The following OPRM1 variants were observed in gnomAD, a reference collection of about 807,000 sequenced individuals.
OPRM1 encodes opioid receptor mu 1, also known as mu-type opioid receptor.
Under a neutral mutation model 31.8 loss-of-function variants are expected in OPRM1, and 27 were observed. That is an observed-to-expected ratio of 0.85 (90% CI 0.63 to 1.17). The LOEUF is 1.17. OPRM1 is among the 50% of genes most tolerant of loss of function. The probability of loss-of-function intolerance (pLI) is 0.00; values close to 1 mark genes in which losing one functional copy is unlikely to be tolerated. For synonymous variants in OPRM1, 196 were observed against 189.9 expected (o/e 1.03, Z -0.26); for missense variants, 536 against 511.1 (o/e 1.05, Z -0.47).
intron 1 of OPRM1, among the ~76,000 whole-genome samples, chr6:154,068,212 A>C (rs73014276): frequency 0.19 from 28,383 of 152,124 alleles, 2,962 homozygotes; most frequent in African/African-American, 0.26. Flanking sequence ...AGCTAGTTAT[A>C]ACTTCTGTAA....
chr6:154,143,461 C>G (rs901942208), intron 3 of OPRM1, among the ~76,000 whole-genome samples: 2 of 152,198 alleles, frequency 1.3e-5, no homozygotes, highest in Admixed American at 6.5e-5. Flanking sequence ...TATTCTTCAT[C>G]AGGACAAGAA....
intron 3 of OPRM1, among the ~76,000 whole-genome samples, chr6:154,224,968 C>T (rs1183796469): frequency 1.3e-5 from 2 of 152,152 alleles, no homozygotes; most frequent in Non-Finnish European, 2.9e-5. Flanking sequence ...CCTGTGGATT[C>T]TCAATCCGCC....
chr6:154,144,301 C>A (rs1441507984), intron 3 of OPRM1, among the ~76,000 whole-genome samples: 3 of 152,178 alleles, frequency 2.0e-5, no homozygotes, highest in African/African-American at 7.2e-5. Flanking sequence ...GAGAACACTT[C>A]CCAATTTACT....
chr6:154,022,560 A>G (rs185451088), intron 1 of OPRM1, among the ~76,000 whole-genome samples: 1 of 151,158 alleles, frequency 6.6e-6, no homozygotes, highest in Admixed American at 6.6e-5. Context: ...TAAAGTTGAC[A>G]TGATATCATT....
At chr6:154,140,019 C>T (rs901319946) in intron 3 of OPRM1, among the ~76,000 whole-genome samples, 4 of 152,196 alleles carry the variant, frequency 2.6e-5, no homozygotes, top group African/African-American at 7.2e-5. Flanking sequence ...TCTCCAGTTC[C>T]CCGCCCTCTT....
chr6:154,076,990 C>T (rs551561163), intron 1 of OPRM1, among the ~76,000 whole-genome samples: 7 of 151,678 alleles, frequency 4.6e-5, no homozygotes, highest in Non-Finnish European at 1.0e-4. Flanking sequence ...TAAAAAATTG[C>T]GGTTAAGAGA....
chr6:154,171,358 G>A (rs1345548753), intron 3 of OPRM1, among the ~76,000 whole-genome samples: 2 of 152,110 alleles, frequency 1.3e-5, no homozygotes, highest in African/African-American at 4.8e-5. Context: ...AGTAAAAGAA[G>A]CCAGTCACAA....
At chr6:154,037,340 G>A (rs139500161), upstream of OPRM1, among the ~76,000 whole-genome samples, 538 of 149,388 alleles carry the variant, frequency 3.6e-3, 2 homozygotes, top group African/African-American at 0.013. Context: ...AGAGAACAAC[G>A]TGACCAAAAA....
intron 3 of OPRM1, among the ~76,000 whole-genome samples, chr6:154,111,489 C>T (rs1383862678): frequency 6.6e-6 from 1 of 152,146 alleles, no homozygotes; most frequent in African/African-American, 2.4e-5. Context: ...TCCTCCAATG[C>T]ACCTGGGCAC....
intron 1 of OPRM1, among the ~76,000 whole-genome samples, chr6:154,084,069 G>A (rs1334246965): frequency 6.6e-6 from 1 of 151,742 alleles, no homozygotes; most frequent in Non-Finnish European, 1.5e-5. Flanking sequence ...TTTCATACAG[G>A]CCTCTCCCCG....
intron 1 of OPRM1, among the ~76,000 whole-genome samples, chr6:154,014,625 T>A (rs574061399): frequency 6.6e-6 from 1 of 152,082 alleles, no homozygotes; most frequent in Admixed American, 6.6e-5. Context: ...CCATAAGCTA[T>A]GTCCTTGAAT....
At chr6:154,244,013 T>A (rs111696942) in intron 3 of OPRM1, among the ~76,000 whole-genome samples, 2,358 of 152,324 alleles carry the variant, frequency 0.015, 57 homozygotes, top group African/African-American at 0.052. Flanking sequence ...AGCATTAGGC[T>A]ACTGAGGAAG....
At chr6:154,052,356 G>A (rs1013829813) in intron 1 of OPRM1, among the ~76,000 whole-genome samples, 4 of 152,096 alleles carry the variant, frequency 2.6e-5, no homozygotes, top group Admixed American at 1.3e-4. Flanking sequence ...AATAAAATAG[G>A]TAGAAAGTAA....
rs144326625 is a variant in OPRM1 at position 154,183,054 on chromosome 6, A to T, written c.1165-63639A>T. On this transcript the variant is annotated intron_variant, in intron 3 of 3. Transcript: ENST00000337049. Reference sequence around the variant, plus strand: ...GAGTGCAGTGGTGTGATCTCAGCTCACTGCAACCTCTGCCTCCCAGGTTCA... The same window carrying T: ...GAGTGCAGTGGTGTGATCTCAGCTCTCTGCAACCTCTGCCTCCCAGGTTCA... Among the ~76,000 whole-genome samples the T allele has an allele frequency of 8.6e-3, 1,301 of 151,594 alleles. 9 individuals are homozygous for T. The highest frequency in any genetic ancestry group is 0.028 in the African/African-American group (1,159 of 41,292).
chr6:154,216,391 T>C (rs1275247362), intron 3 of OPRM1, among the ~76,000 whole-genome samples: 1 of 152,158 alleles, frequency 6.6e-6, no homozygotes, highest in Non-Finnish European at 1.5e-5. Context: ...CCTTTGAAAT[T>C]ACAAATTTCC....
chr6:154,114,778 A>G (rs1796690804), intron 3 of OPRM1, among the ~76,000 whole-genome samples: 1 of 151,914 alleles, frequency 6.6e-6, no homozygotes, highest in Admixed American at 6.6e-5. Context: ...TGACCATACA[A>G]GGCTGCTACA....
At chr6:154,138,723 T>G (rs1191315995) in intron 3 of OPRM1, among the ~76,000 whole-genome samples, 1 of 152,222 alleles carries the variant, frequency 6.6e-6, no homozygotes, top group East Asian at 1.9e-4. Flanking sequence ...ACAAAGATGA[T>G]AACAGACCTT....
intron 3 of OPRM1, chr6:154,092,059 T>G: frequency 3.8e-6 from 1 of 263,706 alleles, no homozygotes; most frequent in Non-Finnish European, 5.9e-6. Flanking sequence ...TTAGACTGAA[T>G]AATATATTAT....
intron 3 of OPRM1, chr6:154,212,666 C>G (rs768711872): frequency 1.4e-5 from 10 of 728,714 alleles, no homozygotes; most frequent in Admixed American, 2.7e-5. Context: ...CTTAATTTAG[C>G]CCATTCTAAA....
Sources: gnomAD v4.1 joint callset for allele counts (sites outside exome capture counted in the v4.1 genomes callset) on GRCh38, gnomAD v4.1.1 for gene constraint, MANE v1.5 for transcripts, NCBI Gene and HGNC (gene_info 2026-07-23, HGNC 2026-07-21) for gene names.